The following GPR161 variants were observed in gnomAD, a reference collection of about 807,000 sequenced individuals.
GPR161 encodes G-protein coupled receptor RE2.
Under a neutral mutation model 39.2 loss-of-function variants are expected in GPR161, and 25 were observed. The ratio of observed to expected loss-of-function variants is 0.64; its 90% confidence interval spans 0.47 to 0.89. The LOEUF is 0.89. GPR161 is among the 40% of genes least tolerant of loss of function. The pLI, the probability that GPR161 is intolerant of heterozygous loss-of-function variation, is 0.00. For synonymous variants in GPR161, 286 were observed against 276.6 expected, an observed-to-expected ratio of 1.03 and a Z score of -0.34; for missense variants, 547 against 677.8, an observed-to-expected ratio of 0.81 and a Z score of 2.14.
At chr1:168,103,615 G>A (rs775887602) in intron 2 of GPR161, among the ~76,000 whole-genome samples, 2 of 152,056 alleles carry the variant, frequency 1.3e-5, no homozygotes, top group Non-Finnish European at 2.9e-5. Flanking sequence ...AAAGCCCGGG[G>A]ACTTGTGTCA....
intron 1 of GPR161, among the ~76,000 whole-genome samples, chr1:168,118,410 C>T (rs907821564): frequency 6.7e-6 from 1 of 149,552 alleles, no homozygotes; most frequent in Non-Finnish European, 1.5e-5. Flanking sequence ...CACAGGGACA[C>T]AGAGTATAGA....
intron 1 of GPR161, 62 bp downstream of exon 1, chr1:168,136,677 G>A: frequency 1.7e-6 from 2 of 1,144,808 alleles, no homozygotes; most frequent in Non-Finnish European, 2.1e-6. Context: ...AGTTTAGCCT[G>A]GCTCCATCCG....
chr1:168,137,608 G>A, upstream of GPR161: 1 of 600,764 alleles, frequency 1.7e-6, no homozygotes, highest in Non-Finnish European at 3.0e-6. Context: ...GTCAGCTCGG[G>A]GGACGGAACA....
At chr1:168,103,363 A>G (rs745977817) in intron 2 of GPR161, among the ~76,000 whole-genome samples, 16 of 151,366 alleles carry the variant, frequency 1.1e-4, no homozygotes, top group Non-Finnish European at 2.1e-4. Flanking sequence ...ATTGTTTCTG[A>G]TGGTTAGATC....
At chr1:168,136,108 C>G in intron 1 of GPR161, 1 of 1,261,124 alleles carries the variant, frequency 7.9e-7, no homozygotes, top group Non-Finnish European at 1.0e-6. Context: ...TCTCCCCTTT[C>G]CAAGAACCAG....
chr1:168,088,020 G>C (rs1694713228), intron 4 of GPR161: 4 of 265,266 alleles, frequency 1.5e-5, no homozygotes, highest in Non-Finnish European at 7.2e-6. Context: ...AGGGAAGTGG[G>C]GAGAAGGGCC....
chr1:168,122,459 T>C (rs78139691), intron 1 of GPR161, among the ~76,000 whole-genome samples: 109 of 152,190 alleles, frequency 7.2e-4, no homozygotes, highest in African/African-American at 2.6e-3. Flanking sequence ...GTGAGCCTGT[T>C]AAAACAGACA....
intron 1 of GPR161, among the ~76,000 whole-genome samples, chr1:168,119,615 C>T (rs1407827629): frequency 6.6e-6 from 1 of 152,028 alleles, no homozygotes; most frequent in Non-Finnish European, 1.5e-5. Flanking sequence ...TACTTAATAC[C>T]ACTCAACTGT....
intron 1 of GPR161, among the ~76,000 whole-genome samples, chr1:168,131,895 G>T (rs1366885434): frequency 6.6e-6 from 1 of 152,172 alleles, no homozygotes; most frequent in Non-Finnish European, 1.5e-5. Flanking sequence ...AATTGGCAAA[G>T]AATTTGATGG....
Position 168,085,459 on chromosome 1 carries a change from G to C in GPR161, c.*72C>G. On this transcript the variant is annotated 3_prime_UTR_variant, in exon 6 of 6. Transcript: ENST00000682931. ...CACAGTGACATGCTCCCAAGGCCGCGGCACAGGCGGTGATGGGAACTCCTC... is the reference window on the plus strand; with the variant it reads ...CACAGTGACATGCTCCCAAGGCCGCCGCACAGGCGGTGATGGGAACTCCTC... The C allele has an allele frequency of 1.4e-6, 2 of 1,438,416 alleles. No homozygotes were observed. Among genetic ancestry groups the C allele is most frequent in the East Asian group, 2.3e-5 (1 of 43,780 alleles). 89.1% of individuals were successfully genotyped at this position (1,438,416 alleles called of 1,614,324 possible). A position where few individuals can be genotyped will look rare whatever the true frequency, so the allele number is the denominator to read the frequency against.
At chr1:168,089,340 T>C (rs538151531) in intron 4 of GPR161, 2 of 152,310 alleles carry the variant, frequency 1.3e-5, no homozygotes, top group Non-Finnish European at 2.9e-5. Context: ...TGATCAGTGC[T>C]TCATATATGA....
chr1:168,092,271 G>A (rs1353129673), intron 3 of GPR161, among the ~76,000 whole-genome samples: 2 of 152,186 alleles, frequency 1.3e-5, no homozygotes, highest in Admixed American at 6.5e-5. Context: ...GCCTGTGGGG[G>A]CATCTCCTGC....
In GPR161 at chr1:168,085,204, T is replaced by A. The variant is rs1170347130; in HGVS notation, c.*327A>T. On this transcript the variant is annotated 3_prime_UTR_variant, in exon 6 of 6. Coordinates refer to ENST00000682931, the MANE Select transcript of GPR161 (RefSeq NM_001375883.1). Reference sequence around the variant, plus strand: ...TGGGGGTCTCCTTCCAAGCCCTTCGTCTCTGGTCCTCCCATGCCCCACCTC... The same window carrying A: ...TGGGGGTCTCCTTCCAAGCCCTTCGACTCTGGTCCTCCCATGCCCCACCTC... 4.5e-6 allele frequency: 2 copies of A among 449,234 alleles called. No homozygotes were observed. The highest frequency in any genetic ancestry group is 6.3e-5 in the Admixed American group (2 of 31,512). 27.8% of individuals were successfully genotyped at this position (449,234 alleles called of 1,614,324 possible).
intron 1 of GPR161, among the ~76,000 whole-genome samples, chr1:168,129,615 TTA>T (rs1430849519): frequency 6.6e-6 from 1 of 152,220 alleles, no homozygotes; most frequent in Non-Finnish European, 1.5e-5. Context: ...TAAGAAATGT[TTA>T]GATTCACTAA....
In GPR161 at chr1:168,136,821, C is replaced by A. The variant is rs1572408438; in HGVS notation, c.-127G>T. On this transcript the variant is annotated 5_prime_UTR_variant, in exon 1 of 6. Coordinates refer to ENST00000682931, the MANE Select transcript of GPR161 (RefSeq NM_001375883.1). ...CACCGCCGCCGCCGCTTCCTTCCTC[C>A]CCGCCGCGCTCCGGGACTGGAGGTT... is the stretch of plus-strand genomic sequence containing the variant. The A allele has an allele frequency of 5.1e-6, 5 of 985,092 alleles. No individual in the cohort carries two copies. In the African/African-American group the frequency reaches 5.3e-5, roughly 10 times the overall value. 61.0% of individuals were successfully genotyped at this position (985,092 alleles called of 1,614,324 possible).
chr1:168,086,267 T>A (rs181349482), intron 5 of GPR161, among the ~76,000 whole-genome samples: 2 of 152,264 alleles, frequency 1.3e-5, no homozygotes, highest in Admixed American at 1.3e-4. Flanking sequence ...GCTCAGAGAT[T>A]CCCCATGCAG....
chr1:168,135,661 G>A (rs1699299129), intron 1 of GPR161, among the ~76,000 whole-genome samples: 1 of 139,556 alleles, frequency 7.2e-6, no homozygotes, highest in African/African-American at 2.8e-5. Context: ...AGGTCACTAG[G>A]GGAGAAGAAG....
At chr1:168,126,867 A>G (rs1698631774) in intron 1 of GPR161, among the ~76,000 whole-genome samples, 1 of 152,168 alleles carries the variant, frequency 6.6e-6, no homozygotes, top group African/African-American at 2.4e-5. Flanking sequence ...GAGAAAACAA[A>G]TATTTTATAT....
intron 5 of GPR161, 47 bp from the exon 6 acceptor site, chr1:168,085,843 G>A: frequency 6.4e-7 from 1 of 1,550,712 alleles, no homozygotes. Flanking sequence ...GCCAGGCCTG[G>A]GGACTACCTT....
Sources: gnomAD v4.1 joint callset for allele counts (sites outside exome capture counted in the v4.1 genomes callset) on GRCh38, gnomAD v4.1.1 for gene constraint, MANE v1.5 for transcripts, NCBI Gene and HGNC (gene_info 2026-07-23, HGNC 2026-07-21) for gene names.